Variants in TRIP12 observed in about 807,000 individuals in gnomAD.
TRIP12 encodes thyroid hormone receptor interactor 12.
TRIP12 carries 25 observed loss-of-function variants against 244.2 expected under a neutral mutation model. The ratio of observed to expected loss-of-function variants is 0.10; its 90% CI spans 0.07 to 0.14. TRIP12 has a LOEUF of 0.14. Among genes scored for constraint, TRIP12 ranks in the 10% least tolerant of loss-of-function variants. TRIP12 has a pLI of 1.00. For synonymous variants in TRIP12, 905 were observed against 873.1 expected, an observed-to-expected ratio of 1.04 and a Z score of -0.64; for missense variants, 1,677 against 2,486.4, an observed-to-expected ratio of 0.67 and a Z score of 6.92.
At chr2:229,788,706 G>T in intron 32 of TRIP12, 92 bp downstream of exon 32, 1 of 1,467,676 alleles carries the variant, frequency 6.8e-7, no homozygotes. Context: ...CATTTGACTA[G>T]GTCCAGTAAA....
chr2:229,897,601 C>T (rs1183723819), intron 1 of TRIP12, among the ~76,000 whole-genome samples: 8 of 152,318 alleles, frequency 5.3e-5, no homozygotes, highest in South Asian at 4.1e-4. Flanking sequence ...CAGCTGAGAT[C>T]GTGCCACTGC....
rs1365013497 is a variant in TRIP12 at position 229,841,694 on chromosome 2, A to G, written c.1028-767T>C. On this transcript the variant is annotated intron_variant, in intron 4 of 41. Transcript: ENST00000675903. ...GACCTCCAACAGTGAAAGGTCTCCA[A>G]AGTTACCAATCATATTTCCATGAGA... Among the ~76,000 whole-genome samples, 10 of 152,190 alleles carry G rather than the reference A, an allele frequency of 6.6e-5. 1 individual carries two copies. Among genetic ancestry groups the G allele is most frequent in the Admixed American group, 5.2e-4 (8 of 15,286 alleles).
rs575890818 is a variant in TRIP12 at position 229,828,798 on chromosome 2, T to A, written c.1450+395A>T. 7.2e-5 allele frequency among the ~76,000 whole-genome samples: 11 copies of A among 152,036 alleles called. No individual in the cohort carries two copies. In the South Asian group the frequency reaches 8.3e-4, roughly 11 times the overall value. The stretch of plus-strand genomic sequence containing the variant: ...AATATATATATATAAAAAGTACACA[T>A]GAAAACCAACATCCTTATGTCCAAA... On this transcript the variant is annotated intron_variant, in intron 8 of 41. Coordinates refer to ENST00000675903, the MANE Select transcript of TRIP12 (RefSeq NM_001348323.3).
chr2:229,850,888 TC>T (rs1371034584), intron 4 of TRIP12, among the ~76,000 whole-genome samples: 2 of 151,994 alleles, frequency 1.3e-5, no homozygotes, highest in African/African-American at 4.8e-5. Context: ...GTGTACTGGG[TC>T]CCCCAGCAGT....
intron 1 of TRIP12, among the ~76,000 whole-genome samples, chr2:229,917,205 C>T (rs932120754): frequency 6.6e-6 from 1 of 151,408 alleles, no homozygotes; most frequent in East Asian, 1.9e-4. Context: ...AAGGTGAAAC[C>T]CCATCTCTAC....
At chr2:229,883,638 G>A (rs1375599594) in intron 1 of TRIP12, among the ~76,000 whole-genome samples, 1 of 152,076 alleles carries the variant, frequency 6.6e-6, no homozygotes, top group East Asian at 1.9e-4. Flanking sequence ...TAAAACCTTT[G>A]ATATTCAGTC....
At chr2:229,826,320 T>G (rs1188876519) in intron 8 of TRIP12, among the ~76,000 whole-genome samples, 1 of 152,168 alleles carries the variant, frequency 6.6e-6, no homozygotes, top group Non-Finnish European at 1.5e-5. Flanking sequence ...TAGGCTTTCT[T>G]TACCAAGAAA....
At chr2:229,807,066 T>C (rs1175928086) in intron 17 of TRIP12, among the ~76,000 whole-genome samples, 1 of 152,170 alleles carries the variant, frequency 6.6e-6, no homozygotes, top group East Asian at 1.9e-4. Context: ...AAAATAAAAA[T>C]CACATAAAAC....
chr2:229,764,773 C>T lies in TRIP12; in HGVS notation c.*2781G>A, dbSNP rs1054235151. ...GTCACTCCACAATACGGAGTGGTCA[C>T]ATTCATTTGAAGGCACCACTCCTTT... On this transcript the variant is annotated 3_prime_UTR_variant, in exon 42 of 42. Transcript: ENST00000675903. 6.6e-6 allele frequency: 1 copy of T among 152,192 alleles called. No homozygotes were observed. Among genetic ancestry groups the T allele is most frequent in the Non-Finnish European group, 1.5e-5 (1 of 68,046 alleles). The allele number at this position is 152,192 out of a possible 1,614,324, so 9.4% of individuals were successfully genotyped here. A position where few individuals can be genotyped will look rare whatever the true frequency, so the allele number is the denominator to read the frequency against.
At chr2:229,771,270 G>C (rs1486167482) in intron 39 of TRIP12, among the ~76,000 whole-genome samples, 1 of 152,178 alleles carries the variant, frequency 6.6e-6, no homozygotes, top group Non-Finnish European at 1.5e-5. Flanking sequence ...TGGCATTGAG[G>C]GTCTTGGCTG....
At chr2:229,804,309 C>G in intron 18 of TRIP12, 82 bp from the exon 19 acceptor site, 1 of 1,222,920 alleles carries the variant, frequency 8.2e-7, no homozygotes, top group Non-Finnish European at 1.1e-6. Flanking sequence ...AATACTCAAG[C>G]CAGTGTAATT....
rs953653200 is a variant in TRIP12, at chr2:229,778,089, G to A, written c.5364+344C>T. ...AGTTACATGCACAAACTTTCCTACT[G>A]AATTAAAAAGGTAATGTCAGACTTT... is the stretch of plus-strand genomic sequence containing the variant. On this transcript the variant is annotated intron_variant, in intron 36 of 41. Transcript: ENST00000675903. This position sits in a 1 kb window ranked among gnomAD's most constrained non-coding sequence, Gnocchi z 4.1. 2.0e-5 allele frequency among the ~76,000 whole-genome samples: 3 copies of A among 152,118 alleles called. No homozygotes were observed. Among genetic ancestry groups the A allele is most frequent in the African/African-American group, 7.2e-5 (3 of 41,408 alleles).
In TRIP12 at chr2:229,802,297, C is replaced by T; in HGVS notation, c.3161G>A (p.Ser1054Asn). ...AGAATCATCCCTGCTGTGCTGCAAG[C>T]TGGGTGATCCCAAGTCAGCTGCAGC... ...THAAADLGSP[S>N]LQHSRDDSLD... The change falls in exon 21 of 42, where the codon AGC becomes AAC. Residue 1054 changes from serine (S) to asparagine (N), a missense_variant. By Grantham distance (46) the Ser-to-Asn change is conservative. Coordinates refer to ENST00000675903, the MANE Select transcript of TRIP12 (RefSeq NM_001348323.3). 6.2e-7 allele frequency: 1 copy of T among 1,612,898 alleles called. No homozygotes were observed. The highest frequency in any genetic ancestry group is 8.5e-7 in the Non-Finnish European group (1 of 1,179,290).
intron 3 of TRIP12, among the ~76,000 whole-genome samples, chr2:229,859,975 A>C (rs536385467): frequency 9.8e-5 from 15 of 152,318 alleles, no homozygotes; most frequent in African/African-American, 3.1e-4. Context: ...CACTTTCAAA[A>C]TGAAGGTTAG....
chr2:229,827,882 T>C (rs2052175876), intron 8 of TRIP12, among the ~76,000 whole-genome samples: 1 of 152,190 alleles, frequency 6.6e-6, no homozygotes, highest in Admixed American at 6.5e-5. Context: ...ATTTTATGTG[T>C]GGCCCAAGAC....
chr2:229,893,645 C>T (rs1471797163), intron 1 of TRIP12, among the ~76,000 whole-genome samples: 1 of 152,138 alleles, frequency 6.6e-6, no homozygotes, highest in Admixed American at 6.5e-5. Context: ...TTTTTACTTT[C>T]TTATTGCTGA....
At chr2:229,890,962 G>A (rs754664787) in intron 1 of TRIP12, among the ~76,000 whole-genome samples, 3 of 152,206 alleles carry the variant, frequency 2.0e-5, no homozygotes, top group South Asian at 4.2e-4. Flanking sequence ...TCAGAATGGG[G>A]GTATGGGAAA....
Position 229,814,263 on chromosome 2 carries a change from T to C in TRIP12, c.1794A>G (p.Ser598=). The C allele has an allele frequency of 6.2e-7, 1 of 1,614,182 alleles. No homozygotes were observed. Among genetic ancestry groups the C allele is most frequent in the Non-Finnish European group, 8.5e-7 (1 of 1,180,024 alleles). ...GTAGAATGGCTTTACTATGTCTCCG[T>C]GACAACATCTCCAAGGCAGTCAAGG... ...EQALTALEML[S]RRHSKAILQA... Residue 598 remains serine (S), a synonymous_variant, in exon 12 of 42, where the codon TCA becomes TCG. Coordinates refer to ENST00000675903, the MANE Select transcript of TRIP12 (RefSeq NM_001348323.3).
At chr2:229,801,960 G>C (rs1400568453) in intron 21 of TRIP12, among the ~76,000 whole-genome samples, 2 of 152,108 alleles carry the variant, frequency 1.3e-5, no homozygotes, top group Admixed American at 6.5e-5. Flanking sequence ...CACAATGTTA[G>C]AGCCTACAAG....
Sources: gnomAD v4.1 joint callset for allele counts (sites outside exome capture counted in the v4.1 genomes callset) on GRCh38, gnomAD v4.1.1 for gene constraint, Gnocchi (gnomAD v3.1) non-coding constraint, MANE v1.5 for transcripts, NCBI Gene and HGNC (gene_info 2026-07-23, HGNC 2026-07-21) for gene names.